Variants in TTC27 observed in about 807,000 individuals in gnomAD.
TTC27 encodes the protein tetratricopeptide repeat domain 27.
In TTC27, 79 loss-of-function variants were observed where a neutral mutation model predicts 115.9. The observed-to-expected ratio is 0.68, with a 90% CI of 0.57 to 0.82. The LOEUF (loss-of-function observed/expected upper bound fraction) is 0.82. TTC27 is among the 40% of genes least tolerant of loss of function. The pLI, the probability that TTC27 is intolerant of heterozygous loss-of-function variation, is 0.00. For synonymous variants in TTC27, 401 were observed against 356.0 expected (o/e 1.13, Z -1.42); for missense variants, 1,054 against 993.1 (o/e 1.06, Z -0.82).
chr2:32,701,266 T>G (rs557110947), intron 9 of TTC27, among the ~76,000 whole-genome samples: 64 of 152,362 alleles, frequency 4.2e-4, no homozygotes, highest in African/African-American at 1.5e-3. Context: ...GTATTCTTGA[T>G]GTACTCCTCT....
chr2:32,697,981 G>C (rs2151898375), intron 9 of TTC27, among the ~76,000 whole-genome samples: 1 of 152,260 alleles, frequency 6.6e-6, no homozygotes, highest in East Asian at 1.9e-4. Context: ...TTGAATTCCT[G>C]ACCTCAAGTG....
intron 9 of TTC27, among the ~76,000 whole-genome samples, chr2:32,682,014 GTGTGTGTGTGTGTA>G (rs1486659074): frequency 1.0e-4 from 15 of 147,614 alleles, no homozygotes; most frequent in African/African-American, 3.5e-4. Context: ...GTGTGTGTGT[GTGTGTGTGTGTGTA>G]TGTCTTTTCC....
At chr2:32,791,359 T>C (rs1200201561) in intron 16 of TTC27, among the ~76,000 whole-genome samples, 1 of 152,198 alleles carries the variant, frequency 6.6e-6, no homozygotes, top group African/African-American at 2.4e-5. Flanking sequence ...TTGACATTCA[T>C]TTGTTGTTTA....
At chr2:32,757,335 G>C (rs939621643) in intron 12 of TTC27, among the ~76,000 whole-genome samples, 1 of 152,150 alleles carries the variant, frequency 6.6e-6, no homozygotes, top group African/African-American at 2.4e-5. Context: ...CAGGTAGTGA[G>C]GCCACCTGAT....
intron 12 of TTC27, among the ~76,000 whole-genome samples, chr2:32,746,589 A>C (rs1467016537): frequency 2.1e-5 from 3 of 145,950 alleles, no homozygotes; most frequent in African/African-American, 7.4e-5. Flanking sequence ...AAAAGAATGC[A>C]CATCTGTATA....
At chr2:32,716,648 C>G (rs1008370310) in intron 10 of TTC27, among the ~76,000 whole-genome samples, 5 of 151,776 alleles carry the variant, frequency 3.3e-5, no homozygotes, top group Admixed American at 6.6e-5. Context: ...GATTGTTACT[C>G]TATATTCTAT....
intron 15 of TTC27, among the ~76,000 whole-genome samples, 165 bp downstream of exon 15, chr2:32,782,843 T>A (rs1339922376): frequency 6.6e-6 from 1 of 152,192 alleles, no homozygotes; most frequent in Non-Finnish European, 1.5e-5. Flanking sequence ...CTAAATTAAC[T>A]TGAATTCTAA....
At chr2:32,745,677 A>T (rs533873498) in intron 12 of TTC27, among the ~76,000 whole-genome samples, 89 of 152,194 alleles carry the variant, frequency 5.8e-4, no homozygotes, top group African/African-American at 1.9e-3. Flanking sequence ...TTTGAAAAAA[A>T]AATAATAATA....
At chr2:32,809,777 A>G (rs1194226103) in intron 16 of TTC27, among the ~76,000 whole-genome samples, 1 of 152,198 alleles carries the variant, frequency 6.6e-6, no homozygotes, top group African/African-American at 2.4e-5. Context: ...TCAGCATTCA[A>G]AGCATCTGGG....
chr2:32,764,924 C>G (rs1669573460), intron 13 of TTC27, among the ~76,000 whole-genome samples: 1 of 152,226 alleles, frequency 6.6e-6, no homozygotes, highest in Non-Finnish European at 1.5e-5. Context: ...AGGCTCCCTT[C>G]TAATTATAGT....
chr2:32,754,901 CG>C (rs1332312865), intron 12 of TTC27, among the ~76,000 whole-genome samples: 1 of 151,110 alleles, frequency 6.6e-6, no homozygotes, highest in African/African-American at 2.4e-5. Context: ...CCCTCCCGGA[CG>C]GGGTGGCTGC....
chr2:32,701,201 T>C (rs1215540837), intron 9 of TTC27, among the ~76,000 whole-genome samples: 1 of 152,196 alleles, frequency 6.6e-6, no homozygotes, highest in Non-Finnish European at 1.5e-5. Context: ...CTCAAGTGAG[T>C]TAATGAACAA....
intron 4 of TTC27, among the ~76,000 whole-genome samples, chr2:32,646,377 C>T (rs1664860309): frequency 6.6e-6 from 1 of 151,834 alleles, no homozygotes; most frequent in African/African-American, 2.4e-5. Flanking sequence ...CTGCATTGCC[C>T]AGGCTTGTCT....
intron 4 of TTC27, among the ~76,000 whole-genome samples, chr2:32,646,629 T>A (rs1356370873): frequency 6.9e-6 from 1 of 144,914 alleles, no homozygotes; most frequent in Non-Finnish European, 1.5e-5. Context: ...AGTGGCGCGA[T>A]CTCTGCTCAC....
intron 13 of TTC27, among the ~76,000 whole-genome samples, chr2:32,764,277 C>A (rs1669546010): frequency 6.6e-6 from 1 of 152,092 alleles, no homozygotes; most frequent in South Asian, 2.1e-4. Flanking sequence ...CAGTTCCAGG[C>A]CACCGCAGTA....
intron 10 of TTC27, among the ~76,000 whole-genome samples, chr2:32,706,626 G>A (rs867175675): frequency 6.6e-6 from 1 of 151,638 alleles, no homozygotes; most frequent in South Asian, 2.1e-4. Flanking sequence ...GTGCAGTGGT[G>A]CAATCTTGGC....
At chr2:32,667,519 C>T (rs528676006) in intron 7 of TTC27, among the ~76,000 whole-genome samples, 10 of 149,672 alleles carry the variant, frequency 6.7e-5, no homozygotes, top group Admixed American at 2.0e-4. Context: ...TGGGTTTAAG[C>T]GATTCTCCTG....
chr2:32,630,035 A>G (rs1006499892), intron 1 of TTC27, among the ~76,000 whole-genome samples: 2 of 152,214 alleles, frequency 1.3e-5, no homozygotes, highest in African/African-American at 4.8e-5. Context: ...CAAGTGGAGA[A>G]GAGTTCAACA....
chr2:32,721,835 T>A (rs555272190), intron 10 of TTC27, among the ~76,000 whole-genome samples: 2 of 152,216 alleles, frequency 1.3e-5, no homozygotes, highest in East Asian at 3.9e-4. Context: ...GAGATGTTGC[T>A]ATATTGCCCA....
Sources: allele counts gnomAD v4.1 joint callset (sites outside exome capture counted in the v4.1 genomes callset), GRCh38; gene constraint gnomAD v4.1.1; transcripts MANE v1.5; gene names NCBI Gene and HGNC (gene_info 2026-07-23, HGNC 2026-07-21).